The following FGGY variants were observed in gnomAD, a reference collection of about 807,000 sequenced individuals.
The protein encoded by FGGY is FGGY carbohydrate kinase domain containing.
In FGGY, 72 loss-of-function variants were observed where a neutral mutation model predicts 71.3. That is an observed-to-expected ratio of 1.01 (90% confidence interval 0.84 to 1.23). The LOEUF (loss-of-function observed/expected upper bound fraction) is 1.23, where lower values mean the gene tolerates loss of function less well. Ranked by LOEUF, FGGY falls within the 50% of genes most tolerant of loss-of-function variation. The probability of loss-of-function intolerance (pLI) is 0.00; values close to 1 mark genes in which losing one functional copy is unlikely to be tolerated. For missense variants in FGGY, 668 were observed against 682.3 expected (o/e 0.98, Z 0.23); for synonymous variants, 251 against 250.3 (o/e 1.00, Z -0.02).
At chr1:59,514,629 CA>C (rs1463448231) in intron 7 of FGGY, among the ~76,000 whole-genome samples, 1 of 152,082 alleles carries the variant, frequency 6.6e-6, no homozygotes, top group Non-Finnish European at 1.5e-5. Flanking sequence ...GGGAGGGACC[CA>C]GGGGGAGGTA....
intron 7 of FGGY, among the ~76,000 whole-genome samples, chr1:59,537,694 A>G (rs963643969): frequency 9.9e-5 from 15 of 152,008 alleles, no homozygotes; most frequent in Non-Finnish European, 7.4e-5. Flanking sequence ...ATAACGCCGC[A>G]TATCTACAAC....
chr1:59,377,630 A>T (rs2058830105), intron 4 of FGGY, among the ~76,000 whole-genome samples: 1 of 152,104 alleles, frequency 6.6e-6, no homozygotes. Flanking sequence ...TACACAAATG[A>T]TTGTGGGGGT....
chr1:59,588,680 A>G (rs539706696), intron 8 of FGGY, among the ~76,000 whole-genome samples: 16 of 152,304 alleles, frequency 1.1e-4, no homozygotes, highest in Middle Eastern at 3.4e-3. Context: ...TTTCATATCC[A>G]GCCAAACTAA....
intron 4 of FGGY, 55 bp downstream of exon 4, chr1:59,346,453 C>T (rs1270849426): frequency 6.3e-7 from 1 of 1,586,848 alleles, no homozygotes; most frequent in African/African-American, 1.3e-5. Flanking sequence ...ATTCCTGTTA[C>T]TGTGGACCTG....
chr1:59,632,790 A>T (rs959659939), intron 10 of FGGY, among the ~76,000 whole-genome samples: 3 of 152,012 alleles, frequency 2.0e-5, no homozygotes, highest in Non-Finnish European at 4.4e-5. Flanking sequence ...AGCCTTTATG[A>T]CTTTTTAAAC....
At chr1:59,533,079 T>C (rs1035864671) in intron 7 of FGGY, among the ~76,000 whole-genome samples, 1 of 152,176 alleles carries the variant, frequency 6.6e-6, no homozygotes, top group African/African-American at 2.4e-5. Context: ...GATTTCTGCA[T>C]TTCCGTCTGA....
intron 14 of FGGY, among the ~76,000 whole-genome samples, chr1:59,688,312 T>C (rs2097561578): frequency 6.6e-6 from 1 of 152,216 alleles, no homozygotes; most frequent in Non-Finnish European, 1.5e-5. Flanking sequence ...AGAGGGCAAG[T>C]GATTTACCCA....
chr1:59,656,005 A>G (rs1270266367), intron 11 of FGGY, among the ~76,000 whole-genome samples: 1 of 152,186 alleles, frequency 6.6e-6, no homozygotes, highest in African/African-American at 2.4e-5. Context: ...TATATTCATA[A>G]TCTAGGAGGT....
rs560840914 is a variant in FGGY at position 59,512,435 on chromosome 1, A to G, written c.795A>G (p.Gly265=). ...AASLIDAHAG[G]LGVIGADVRG... ...CACTCATTGATGCCCATGCAGGAGG[A>G]CTAGGTAATCTCTTATTTGTTGCCT... is the stretch of plus-strand genomic sequence containing the variant. The change falls in exon 7 of 16, where the codon GGA becomes GGG. Residue 265 remains glycine (G), a synonymous_variant. Transcript: ENST00000303721. 7.4e-6 allele frequency: 12 copies of G among 1,613,384 alleles called. No individual in the cohort carries two copies. The South Asian group carries it at 1.1e-4, about 15-fold the overall frequency.
At chr1:59,625,727 G>C (rs1286536925) in intron 9 of FGGY, among the ~76,000 whole-genome samples, 2 of 151,972 alleles carry the variant, frequency 1.3e-5, no homozygotes, top group Admixed American at 6.6e-5. Flanking sequence ...GCTTCTACCA[G>C]TTTAGCCTTG....
chr1:59,702,206 A>G (rs1343107115), intron 14 of FGGY, among the ~76,000 whole-genome samples: 1 of 152,200 alleles, frequency 6.6e-6, no homozygotes. Context: ...TTCCTCCCTC[A>G]ACATACGGGG....
At chr1:59,310,014 G>A (rs988670828) in intron 1 of FGGY, 3 of 151,782 alleles carry the variant, frequency 2.0e-5, no homozygotes, top group Non-Finnish European at 2.9e-5. Flanking sequence ...TCATAAACTG[G>A]TAAACATAAG....
intron 6 of FGGY, among the ~76,000 whole-genome samples, chr1:59,463,068 T>C (rs574026689): frequency 1.3e-5 from 2 of 152,104 alleles, no homozygotes; most frequent in East Asian, 3.9e-4. Context: ...CAAATGTCCA[T>C]CAATGACAGA....
chr1:59,345,383 GC>G, intron 3 of FGGY, among the ~76,000 whole-genome samples: 1 of 152,238 alleles, frequency 6.6e-6, no homozygotes, highest in Middle Eastern at 3.4e-3. Context: ...TTTCTGGCTT[GC>G]CCATTGGTAC....
intron 7 of FGGY, among the ~76,000 whole-genome samples, chr1:59,528,049 G>A (rs2095040902): frequency 6.6e-6 from 1 of 152,128 alleles, no homozygotes; most frequent in Non-Finnish European, 1.5e-5. Context: ...TATCTGCACT[G>A]TATCCAGCCC....
chr1:59,647,261 T>G (rs2097103844), intron 11 of FGGY, among the ~76,000 whole-genome samples: 1 of 152,164 alleles, frequency 6.6e-6, no homozygotes, highest in Non-Finnish European at 1.5e-5. Context: ...CAGACCAGCT[T>G]CGAGAAACAG....
chr1:59,637,477 A>G (rs1378899272), intron 10 of FGGY, among the ~76,000 whole-genome samples: 1 of 152,100 alleles, frequency 6.6e-6, no homozygotes, highest in Non-Finnish European at 1.5e-5. Flanking sequence ...TACTAAAAAT[A>G]CAAAAATTAG....
At chr1:59,621,376 T>G (rs2096804424) in intron 9 of FGGY, among the ~76,000 whole-genome samples, 2 of 151,764 alleles carry the variant, frequency 1.3e-5, no homozygotes, top group South Asian at 2.1e-4. Flanking sequence ...ACTATTTTTA[T>G]TGCTTTTCCT....
chr1:59,536,875 C>T (rs1249474001), intron 7 of FGGY, among the ~76,000 whole-genome samples: 1 of 152,034 alleles, frequency 6.6e-6, no homozygotes, highest in Non-Finnish European at 1.5e-5. Flanking sequence ...TTATGACAAA[C>T]CCACAGCCAA....
Sources: allele counts gnomAD v4.1 joint callset (sites outside exome capture counted in the v4.1 genomes callset), GRCh38; gene constraint gnomAD v4.1.1; transcripts MANE v1.5; gene names NCBI Gene and HGNC (gene_info 2026-07-23, HGNC 2026-07-21).